SLC35F4: variants seen among roughly 807,000 people sequenced by gnomAD.
The protein encoded by SLC35F4 is chromosome 14 open reading frame 36.
SLC35F4 carries 24 observed loss-of-function variants against 44.2 expected under a neutral mutation model. That is an observed-to-expected ratio of 0.54 (90% confidence interval 0.39 to 0.76). The LOEUF (loss-of-function observed/expected upper bound fraction) is 0.76. SLC35F4 is among the 30% of genes least tolerant of loss of function. The pLI, the probability that SLC35F4 is intolerant of heterozygous loss-of-function variation, is 0.00. For missense variants in SLC35F4, 562 were observed against 586.1 expected (o/e 0.96, Z 0.42); for synonymous variants, 238 against 223.6 (o/e 1.06, Z -0.57).
chr14:57,659,957 C>G (rs2074086287), intron 1 of SLC35F4, among the ~76,000 whole-genome samples: 1 of 152,148 alleles, frequency 6.6e-6, no homozygotes, highest in Non-Finnish European at 1.5e-5. Context: ...GTTGGAAGCA[C>G]AGTTTTGCAA....
chr14:57,731,187 G>A (rs7145721), intron 1 of SLC35F4, among the ~76,000 whole-genome samples: 3,743 of 152,080 alleles, frequency 0.025, 90 homozygotes, highest in African/African-American at 0.061. Context: ...GCCCCGATGC[G>A]ACCCTGAAAA....
intron 1 of SLC35F4, among the ~76,000 whole-genome samples, chr14:57,909,248 A>C (rs1889168900): frequency 6.6e-6 from 1 of 152,148 alleles, no homozygotes; most frequent in African/African-American, 2.4e-5. Context: ...CCATAGTGGT[A>C]TATTTGTTAT....
At chr14:57,943,534 C>A (rs1487080904) in intron 1 of SLC35F4, among the ~76,000 whole-genome samples, 1 of 152,150 alleles carries the variant, frequency 6.6e-6, no homozygotes, top group Non-Finnish European at 1.5e-5. Flanking sequence ...CCGCATGGTG[C>A]CTTAGCAAAG....
chr14:57,894,926 G>A (rs1376315852), intron 1 of SLC35F4, among the ~76,000 whole-genome samples: 1 of 152,098 alleles, frequency 6.6e-6, no homozygotes, highest in Non-Finnish European at 1.5e-5. Context: ...TAAGGAGCTG[G>A]TGATTTGTCT....
chr14:57,828,326 C>T (rs1159577062), intron 1 of SLC35F4, among the ~76,000 whole-genome samples: 1 of 152,056 alleles, frequency 6.6e-6, no homozygotes, highest in African/African-American at 2.4e-5. Context: ...GAAACCACCA[C>T]ATCAGAAAAA....
At chr14:57,883,050 G>A (rs1888571139) in intron 1 of SLC35F4, among the ~76,000 whole-genome samples, 1 of 151,636 alleles carries the variant, frequency 6.6e-6, no homozygotes, top group Non-Finnish European at 1.5e-5. Flanking sequence ...AGGAGAAGGG[G>A]AGGGGAGGAG....
chr14:57,761,186 C>T (rs1039921714), intron 1 of SLC35F4, among the ~76,000 whole-genome samples: 4 of 152,122 alleles, frequency 2.6e-5, no homozygotes, highest in African/African-American at 7.2e-5. Context: ...GTCTTGAAAA[C>T]AGCGGTTGCA....
chr14:57,824,761 G>A (rs1272487497), intron 1 of SLC35F4, among the ~76,000 whole-genome samples: 1 of 152,162 alleles, frequency 6.6e-6, no homozygotes, highest in East Asian at 1.9e-4. Context: ...GTCTGGAGCT[G>A]ACTGAACAAG....
intron 1 of SLC35F4, among the ~76,000 whole-genome samples, chr14:57,635,018 C>G (rs12897235): frequency 0.64 from 96,969 of 151,816 alleles, 31,504 homozygotes; most frequent in Non-Finnish European, 0.71. Flanking sequence ...AGGAGGCTGA[C>G]GCAGGAGGAT....
intron 1 of SLC35F4, among the ~76,000 whole-genome samples, chr14:57,843,911 TAG>T (rs1025981353): frequency 5.9e-5 from 9 of 152,032 alleles, no homozygotes; most frequent in Non-Finnish European, 1.0e-4. Context: ...AAAATATATA[TAG>T]AGAGAGTCAT....
At chr14:57,564,595 T>G (rs1356932371) in intron 7 of SLC35F4, among the ~76,000 whole-genome samples, 1 of 152,218 alleles carries the variant, frequency 6.6e-6, no homozygotes, top group Admixed American at 6.5e-5. Context: ...GTAATCTGAC[T>G]TAGTTATCTC....
At chr14:57,700,920 G>C (rs2075522053) in intron 1 of SLC35F4, among the ~76,000 whole-genome samples, 1 of 151,854 alleles carries the variant, frequency 6.6e-6, no homozygotes, top group South Asian at 2.1e-4. Context: ...AAACAAAAAA[G>C]CCCCCCAAAA....
intron 1 of SLC35F4, among the ~76,000 whole-genome samples, chr14:57,662,006 T>C (rs901398537): frequency 3.3e-5 from 5 of 152,144 alleles, no homozygotes; most frequent in African/African-American, 1.2e-4. Context: ...GCAAAATGTG[T>C]CCATGATTTA....
intron 1 of SLC35F4, among the ~76,000 whole-genome samples, chr14:57,876,987 C>T (rs1056562291): frequency 2.0e-5 from 3 of 151,966 alleles, no homozygotes; most frequent in Non-Finnish European, 4.4e-5. Context: ...GACAGGTGAC[C>T]CATCTTTTTT....
chr14:57,567,897 G>A (rs565492490), intron 6 of SLC35F4, among the ~76,000 whole-genome samples: 2 of 152,224 alleles, frequency 1.3e-5, no homozygotes, highest in African/African-American at 4.8e-5. Flanking sequence ...GTGAGGCAAA[G>A]TAAACATAAG....
At chr14:57,816,377 C>G (rs549041623) in intron 1 of SLC35F4, among the ~76,000 whole-genome samples, 40 of 152,266 alleles carry the variant, frequency 2.6e-4, no homozygotes, top group African/African-American at 9.6e-4. Flanking sequence ...ACTCTTTCAG[C>G]CCTCCCAGTC....
At chr14:57,914,913 C>A (rs979288551) in intron 1 of SLC35F4, among the ~76,000 whole-genome samples, 4 of 152,106 alleles carry the variant, frequency 2.6e-5, no homozygotes, top group African/African-American at 9.7e-5. Context: ...CTAGGCATTA[C>A]CTTAGAAGGG....
intron 1 of SLC35F4, among the ~76,000 whole-genome samples, chr14:57,862,362 A>G (rs1887754056): frequency 2.0e-5 from 3 of 152,238 alleles, no homozygotes; most frequent in Admixed American, 2.0e-4. Context: ...CTGTCCCAGT[A>G]CAGCAGTGAG....
chr14:57,954,059 G>C (rs1220356153), intron 1 of SLC35F4, among the ~76,000 whole-genome samples: 1 of 152,206 alleles, frequency 6.6e-6, no homozygotes, highest in Non-Finnish European at 1.5e-5. Flanking sequence ...CAAAGGAACA[G>C]AAAGCATAAC....
Sources: gnomAD v4.1 joint callset for allele counts (sites outside exome capture counted in the v4.1 genomes callset) on GRCh38, gnomAD v4.1.1 for gene constraint, MANE v1.5 for transcripts, NCBI Gene and HGNC (gene_info 2026-07-23, HGNC 2026-07-21) for gene names.